Variants in DLG2 observed in about 807,000 individuals in gnomAD.
DLG2 encodes the protein disks large homolog 2.
A neutral mutation model predicts 132.5 loss-of-function variants in DLG2; 45 were observed. The ratio of observed to expected loss-of-function variants is 0.34; its 90% CI spans 0.27 to 0.44. DLG2 has a LOEUF of 0.44. DLG2 is among the 20% of genes least tolerant of loss of function. The pLI, the probability that DLG2 is intolerant of heterozygous loss-of-function variation, is 1.00. For missense variants in DLG2, 1,045 were observed against 1,196.9 expected, an observed-to-expected ratio of 0.87 and a Z score of 1.87; for synonymous variants, 424 against 419.6, an observed-to-expected ratio of 1.01 and a Z score of -0.13.
chr11:83,468,873 A>G (rs550838057), intron 25 of DLG2, among the ~76,000 whole-genome samples: 1 of 152,228 alleles, frequency 6.6e-6, no homozygotes, highest in East Asian at 1.9e-4. Context: ...CTCTAACAAA[A>G]TAATTCAGGA....
At chr11:84,210,026 T>C (rs2096730725) in intron 8 of DLG2, among the ~76,000 whole-genome samples, 1 of 152,164 alleles carries the variant, frequency 6.6e-6, no homozygotes. Context: ...CTCATGCATG[T>C]AATCCCAGCA....
intron 6 of DLG2, among the ~76,000 whole-genome samples, chr11:84,561,487 T>C (rs933868175): frequency 6.6e-6 from 1 of 152,144 alleles, no homozygotes; most frequent in Non-Finnish European, 1.5e-5. Flanking sequence ...TAAACTCTAA[T>C]ATTTAGAAGT....
At chr11:84,165,914 A>AAAC (rs142735808) in intron 8 of DLG2, among the ~76,000 whole-genome samples, 2,523 of 152,046 alleles carry the variant, frequency 0.017, 69 homozygotes, top group African/African-American at 0.057. Context: ...AAAACTAAAC[A>AAAC]AACAACAACA....
At chr11:83,724,472 TGTGTGAGA>T (rs1404234444) in intron 18 of DLG2, among the ~76,000 whole-genome samples, 1 of 97,528 alleles carries the variant, frequency 1.0e-5, no homozygotes, top group Non-Finnish European at 2.2e-5. Flanking sequence ...TGTGTGTGTG[TGTGTGAGA>T]GAGAGAGAGA....
intron 20 of DLG2, among the ~76,000 whole-genome samples, chr11:83,538,571 G>T (rs2095961211): frequency 6.6e-6 from 1 of 152,180 alleles, no homozygotes; most frequent in South Asian, 2.1e-4. Flanking sequence ...ACTGGTGTTT[G>T]GTCAGTGGCT....
intron 19 of DLG2, among the ~76,000 whole-genome samples, chr11:83,593,718 A>T (rs2097234542): frequency 6.6e-6 from 1 of 151,928 alleles, no homozygotes; most frequent in South Asian, 2.1e-4. Context: ...CTCTATAAAA[A>T]TCATGTGGAA....
intron 7 of DLG2, among the ~76,000 whole-genome samples, chr11:84,394,083 G>T (rs1238833896): frequency 6.6e-6 from 1 of 152,054 alleles, no homozygotes; most frequent in African/African-American, 2.4e-5. Context: ...CACTATGTTG[G>T]CCAGGCTGGT....
At chr11:84,211,380 T>C (rs921374059) in intron 8 of DLG2, among the ~76,000 whole-genome samples, 1 of 152,196 alleles carries the variant, frequency 6.6e-6, no homozygotes, top group African/African-American at 2.4e-5. Flanking sequence ...CCATATTCTC[T>C]ATAAGAGAAG....
intron 7 of DLG2, among the ~76,000 whole-genome samples, chr11:84,387,767 C>A (rs2154437985): frequency 6.6e-6 from 1 of 152,248 alleles, no homozygotes; most frequent in South Asian, 2.1e-4. Context: ...AGTATCTTTT[C>A]AGGTTTACTC....
intron 7 of DLG2, among the ~76,000 whole-genome samples, chr11:84,417,923 C>G (rs1317637419): frequency 6.6e-6 from 1 of 152,138 alleles, no homozygotes; most frequent in Non-Finnish European, 1.5e-5. Context: ...ATCCCTTAAC[C>G]CGATTATACT....
At chr11:84,549,752 T>G (rs888385267) in intron 6 of DLG2, among the ~76,000 whole-genome samples, 2 of 152,078 alleles carry the variant, frequency 1.3e-5, no homozygotes, top group Non-Finnish European at 2.9e-5. Context: ...CTATTTCTCT[T>G]TTTTTGTTTG....
intron 6 of DLG2, among the ~76,000 whole-genome samples, chr11:84,592,320 T>C (rs2099545329): frequency 6.6e-6 from 1 of 152,160 alleles, no homozygotes; most frequent in African/African-American, 2.4e-5. Flanking sequence ...GTATGAGCAA[T>C]GAGAAAGCAA....
intron 2 of DLG2, among the ~76,000 whole-genome samples, chr11:85,607,318 C>G (rs945111638): frequency 3.3e-5 from 5 of 152,200 alleles, no homozygotes; most frequent in Non-Finnish European, 2.9e-5. Context: ...ATTTCCCGTA[C>G]TTCTGGGCTG....
At chr11:85,596,518 C>G (rs1374281960) in intron 3 of DLG2, among the ~76,000 whole-genome samples, 1 of 152,056 alleles carries the variant, frequency 6.6e-6, no homozygotes, top group Non-Finnish European at 1.5e-5. Flanking sequence ...TTTGTGTTTT[C>G]TACATTATGA....
intron 7 of DLG2, among the ~76,000 whole-genome samples, chr11:84,487,779 C>A (rs144860712): frequency 1.3e-5 from 2 of 152,066 alleles, no homozygotes; most frequent in East Asian, 3.9e-4. Flanking sequence ...ATGAGGAAGG[C>A]TTCACCAAGG....
At chr11:84,306,737 T>G (rs1156951912) in intron 7 of DLG2, among the ~76,000 whole-genome samples, 1 of 152,212 alleles carries the variant, frequency 6.6e-6, no homozygotes, top group Non-Finnish European at 1.5e-5. Context: ...CCTCTTCCCC[T>G]AAATCCCAGT....
At chr11:83,699,828 T>G (rs1283446451) in intron 18 of DLG2, among the ~76,000 whole-genome samples, 1 of 151,464 alleles carries the variant, frequency 6.6e-6, no homozygotes, top group African/African-American at 2.4e-5. Flanking sequence ...TATCTATCTA[T>G]CTATCTATCT....
intron 4 of DLG2, among the ~76,000 whole-genome samples, chr11:85,173,072 C>T (rs1298701972): frequency 6.6e-6 from 1 of 152,106 alleles, no homozygotes; most frequent in African/African-American, 2.4e-5. Context: ...AGGAGAACTT[C>T]CCTAACCTAG....
At chr11:85,169,736 C>T (rs1238301645) in intron 4 of DLG2, among the ~76,000 whole-genome samples, 2 of 152,154 alleles carry the variant, frequency 1.3e-5, no homozygotes, top group Admixed American at 6.5e-5. Flanking sequence ...AATAAAATTT[C>T]AGGGAAGGTA....
Sources: gnomAD v4.1 joint callset for allele counts (sites outside exome capture counted in the v4.1 genomes callset) on GRCh38, gnomAD v4.1.1 for gene constraint, MANE v1.5 for transcripts, NCBI Gene and HGNC (gene_info 2026-07-23, HGNC 2026-07-21) for gene names.